AGBL4: variants seen among roughly 807,000 people sequenced by gnomAD.
AGBL4 encodes cytosolic carboxypeptidase 6.
Under a neutral mutation model 66.4 loss-of-function variants are expected in AGBL4, and 58 were observed. The observed-to-expected ratio is 0.87, with a 90% confidence interval of 0.71 to 1.09. AGBL4 has a LOEUF of 1.09. AGBL4 is among the 50% of genes least tolerant of loss of function. The pLI, the probability that AGBL4 is intolerant of heterozygous loss-of-function variation, is 0.00. For synonymous variants in AGBL4, 234 were observed against 222.9 expected (o/e 1.05, Z -0.44); for missense variants, 579 against 631.0 (o/e 0.92, Z 0.88).
intron 3 of AGBL4, among the ~76,000 whole-genome samples, chr1:49,444,074 T>C (rs2148672263): frequency 6.6e-6 from 1 of 152,172 alleles, no homozygotes; most frequent in South Asian, 2.1e-4. Flanking sequence ...ATTTCCAAAG[T>C]TCCTCTTGGT....
chr1:49,596,164 A>T lies in AGBL4; in HGVS notation c.282+101149T>A, dbSNP rs138340797. Among the ~76,000 whole-genome samples, 52 of 152,246 alleles carry T rather than the reference A, an allele frequency of 3.4e-4. No individual in the cohort carries two copies. In the East Asian group the frequency reaches 9.9e-3, roughly 29 times the overall value. The stretch of plus-strand genomic sequence containing the variant: ...ACAATAGCATACTTCTGCAGGAAAC[A>T]TGGAGGTCCTTTGTTTGTTTGAGAC... On this transcript the variant is annotated intron_variant, in intron 3 of 13. Coordinates refer to ENST00000371839, the MANE Select transcript of AGBL4 (RefSeq NM_032785.4).
intron 6 of AGBL4, among the ~76,000 whole-genome samples, chr1:48,797,953 T>G (rs1224286460): frequency 6.6e-6 from 1 of 152,192 alleles, no homozygotes; most frequent in African/African-American, 2.4e-5. Flanking sequence ...TGCAAGTGTC[T>G]TTTTCATATA....
At chr1:49,530,281 A>AAAAAAAAAAAAAAAAAAAAAAAAT (rs1370165803) in intron 3 of AGBL4, among the ~76,000 whole-genome samples, 1 of 148,024 alleles carries the variant, frequency 6.8e-6, no homozygotes, top group African/African-American at 2.5e-5. Context: ...AACAAAAAAA[A>AAAAAAAAAAAAAAAAAAAAAAAAT]ACTCTATGAG....
chr1:49,530,556 A>C (rs1651055643), intron 3 of AGBL4, among the ~76,000 whole-genome samples: 1 of 151,914 alleles, frequency 6.6e-6, no homozygotes, highest in Admixed American at 6.6e-5. Context: ...TATCCCAGCC[A>C]CCTCTCTGAA....
At chr1:48,664,117 G>A (rs971393421) in intron 6 of AGBL4, among the ~76,000 whole-genome samples, 2 of 152,204 alleles carry the variant, frequency 1.3e-5, no homozygotes, top group Non-Finnish European at 2.9e-5. Context: ...CCAGACCAAA[G>A]AGCAGAGAGG....
intron 6 of AGBL4, among the ~76,000 whole-genome samples, chr1:48,726,590 T>C (rs572433782): frequency 6.6e-6 from 1 of 152,292 alleles, no homozygotes; most frequent in South Asian, 2.1e-4. Flanking sequence ...AGGCATTATT[T>C]TCCTCCTTAT....
At chr1:49,543,009 A>G (rs1477177105) in intron 3 of AGBL4, among the ~76,000 whole-genome samples, 2 of 151,686 alleles carry the variant, frequency 1.3e-5, no homozygotes, top group African/African-American at 4.8e-5. Flanking sequence ...TGATTGGCAT[A>G]TGGCTAAGAC....
intron 3 of AGBL4, among the ~76,000 whole-genome samples, chr1:49,478,208 A>G (rs1414582404): frequency 6.6e-6 from 1 of 151,914 alleles, no homozygotes; most frequent in Non-Finnish European, 1.5e-5. Context: ...ACAATATCTA[A>G]GTATAAAAAT....
chr1:49,066,567 T>A (rs932984094), intron 4 of AGBL4, among the ~76,000 whole-genome samples: 6 of 151,658 alleles, frequency 4.0e-5, no homozygotes, highest in Non-Finnish European at 7.4e-5. Flanking sequence ...CAAAAAAGAG[T>A]CCCAGTCCAA....
In AGBL4 at chr1:48,882,133, A is replaced by G. The variant is rs116692942; in HGVS notation, c.595-14903T>C. On this transcript the variant is annotated intron_variant, in intron 5 of 13. Transcript: ENST00000371839. Reference sequence around the variant, plus strand: ...AGGGGCATATACTACCAGTCTTTATAGTCTCAGGTAGTCATATACTACTCA... The same window carrying G: ...AGGGGCATATACTACCAGTCTTTATGGTCTCAGGTAGTCATATACTACTCA... Among the ~76,000 whole-genome samples, 952 of 152,266 alleles carry G rather than the reference A, an allele frequency of 6.3e-3. 8 individuals are homozygous for G. Among genetic ancestry groups the G allele is most frequent in the African/African-American group, 0.021 (880 of 41,538 alleles).
At position 48,765,977 on chromosome 1, in the gene AGBL4, C is replaced by T. The variant is rs543128406; in HGVS notation, c.634+101214G>A. Among the ~76,000 whole-genome samples the T allele has an allele frequency of 3.9e-5, 6 of 152,234 alleles. 1 individual carries two copies. The East Asian group carries it at 7.7e-4, about 20-fold the overall frequency. On this transcript the variant is annotated intron_variant, in intron 6 of 13. Transcript: ENST00000371839. Reference sequence around the variant, plus strand: ...TTATTTTCTTTTTGGGTGATAAAAACGTTCCGGAATTAAGTAGTAGTGATG... The same window carrying T: ...TTATTTTCTTTTTGGGTGATAAAAATGTTCCGGAATTAAGTAGTAGTGATG...
chr1:48,760,764 T>G (rs933016389), intron 6 of AGBL4, among the ~76,000 whole-genome samples: 1 of 152,174 alleles, frequency 6.6e-6, no homozygotes, highest in Non-Finnish European at 1.5e-5. Flanking sequence ...CTCTCAGGTA[T>G]CTACTGCACA....
At chr1:48,975,065 C>T (rs1365192352) in intron 5 of AGBL4, among the ~76,000 whole-genome samples, 1 of 151,984 alleles carries the variant, frequency 6.6e-6, no homozygotes, top group Non-Finnish European at 1.5e-5. Context: ...GTAAAAGACA[C>T]AGAATGTGAG....
intron 1 of AGBL4, among the ~76,000 whole-genome samples, chr1:49,918,891 A>T (rs1651883014): frequency 6.6e-6 from 1 of 152,226 alleles, no homozygotes; most frequent in African/African-American, 2.4e-5. Flanking sequence ...CACCAGGATC[A>T]AGTGGGCTTC....
chr1:48,583,982 AG>A (rs1644778775), intron 11 of AGBL4: 1 of 151,906 alleles, frequency 6.6e-6, no homozygotes, highest in African/African-American at 2.4e-5. Flanking sequence ...AGAACAAGGC[AG>A]GGTAGGTCCA....
chr1:48,929,556 G>A (rs1654867742), intron 5 of AGBL4, among the ~76,000 whole-genome samples: 1 of 152,112 alleles, frequency 6.6e-6, no homozygotes, highest in Admixed American at 6.6e-5. Flanking sequence ...TTTCACTCAT[G>A]GCAACTTGTA....
intron 5 of AGBL4, among the ~76,000 whole-genome samples, chr1:48,899,943 A>C (rs1193724623): frequency 6.6e-6 from 1 of 152,214 alleles, no homozygotes. Flanking sequence ...GGGAGCTAGG[A>C]AATATTTAAC....
intron 4 of AGBL4, among the ~76,000 whole-genome samples, chr1:49,161,442 C>G (rs867362038): frequency 2.0e-5 from 3 of 152,140 alleles, no homozygotes; most frequent in African/African-American, 7.2e-5. Context: ...CAGAAATCAC[C>G]CACCTTCTGC....
At chr1:49,136,914 T>C (rs549370747) in intron 4 of AGBL4, among the ~76,000 whole-genome samples, 1 of 152,274 alleles carries the variant, frequency 6.6e-6, no homozygotes, top group East Asian at 1.9e-4. Context: ...AGTCCACTGT[T>C]GAGGTTCACA....
Sources: allele counts gnomAD v4.1 joint callset (sites outside exome capture counted in the v4.1 genomes callset), GRCh38; gene constraint gnomAD v4.1.1; transcripts MANE v1.5; gene names NCBI Gene and HGNC (gene_info 2026-07-23, HGNC 2026-07-21).